The following THRB variants were observed in gnomAD, a reference collection of about 807,000 sequenced individuals.
The protein encoded by THRB is thyroid hormone receptor beta, also known as nuclear receptor subfamily 1 group A member 2.
Under a neutral mutation model 47.8 loss-of-function variants are expected in THRB, and 12 were observed. The ratio of observed to expected loss-of-function variants is 0.25; its 90% CI spans 0.16 to 0.41. The LOEUF is 0.41. THRB is among the 10% of genes least tolerant of loss of function. THRB has a pLI of 1.00. For missense variants in THRB, 348 were observed against 589.2 expected (o/e 0.59, Z 4.24); for synonymous variants, 218 against 212.2 (o/e 1.03, Z -0.24).
intron 1 of THRB, among the ~76,000 whole-genome samples, chr3:24,474,131 CTTTGT>C (rs1419089880): frequency 2.0e-5 from 3 of 152,120 alleles, no homozygotes; most frequent in Non-Finnish European, 4.4e-5. Context: ...TCGTTGTATG[CTTTGT>C]TTTATGTGGT....
chr3:24,329,386 T>A (rs1242591877), intron 2 of THRB, among the ~76,000 whole-genome samples: 1 of 152,186 alleles, frequency 6.6e-6, no homozygotes, highest in Admixed American at 6.5e-5. Context: ...TAGACTCATC[T>A]GAGGTATCCT....
At chr3:24,492,007 G>A (rs6763505) in intron 1 of THRB, among the ~76,000 whole-genome samples, 4,410 of 152,204 alleles carry the variant, frequency 0.029, 206 homozygotes, top group African/African-American at 0.1. Flanking sequence ...GAGAGAGAGA[G>A]AAAAATAAAG....
intron 3 of THRB, among the ~76,000 whole-genome samples, chr3:24,289,782 G>A (rs190644364): frequency 1.3e-5 from 2 of 152,196 alleles, no homozygotes; most frequent in East Asian, 3.9e-4. Flanking sequence ...ATACCTTGAG[G>A]CTGAAGTCAA....
chr3:24,455,881 C>G (rs184724104), intron 1 of THRB, among the ~76,000 whole-genome samples: 185 of 152,278 alleles, frequency 1.2e-3, no homozygotes, highest in African/African-American at 4.4e-3. Context: ...GGTGGGGCTA[C>G]TATTTTGACA....
intron 1 of THRB, among the ~76,000 whole-genome samples, chr3:24,493,762 C>A (rs1448322297): frequency 6.6e-6 from 1 of 152,144 alleles, no homozygotes; most frequent in African/African-American, 2.4e-5. Flanking sequence ...AAAAAAAATT[C>A]ATCTCATTTT....
intron 3 of THRB, among the ~76,000 whole-genome samples, chr3:24,241,512 C>G (rs763877664): frequency 2.0e-5 from 3 of 152,128 alleles, no homozygotes; most frequent in Non-Finnish European, 4.4e-5. Context: ...ACAGAGAAAT[C>G]TATTCTTGTG....
chr3:24,325,786 G>A (rs2058767207), intron 2 of THRB, among the ~76,000 whole-genome samples: 2 of 152,164 alleles, frequency 1.3e-5, no homozygotes, highest in African/African-American at 4.8e-5. Context: ...CAATTTCAAA[G>A]GTATGTTAGT....
intron 8 of THRB, among the ~76,000 whole-genome samples, chr3:24,135,561 G>C (rs2034515115): frequency 6.6e-6 from 1 of 152,090 alleles, no homozygotes; most frequent in South Asian, 2.1e-4. Context: ...GGAGCAGGCA[G>C]AATTGATGAA....
At chr3:24,150,776 C>T (rs1003918889) in intron 6 of THRB, among the ~76,000 whole-genome samples, 1 of 152,114 alleles carries the variant, frequency 6.6e-6, no homozygotes, top group Non-Finnish European at 1.5e-5. Context: ...TCCCAGAATT[C>T]GAAATTTCCC....
chr3:24,451,933 C>T (rs2072700128), intron 1 of THRB, among the ~76,000 whole-genome samples: 1 of 152,162 alleles, frequency 6.6e-6, no homozygotes, highest in Non-Finnish European at 1.5e-5. Context: ...GATAAAAAAG[C>T]ACTGGGGGCT....
At chr3:24,479,800 G>T (rs1232304522) in intron 1 of THRB, among the ~76,000 whole-genome samples, 1 of 152,110 alleles carries the variant, frequency 6.6e-6, no homozygotes, top group East Asian at 1.9e-4. Flanking sequence ...ATACTCCCAT[G>T]GCACCACTTC....
In THRB at chr3:24,164,886, C is replaced by G; in HGVS notation, c.284-12396G>C. 7 of 592,798 alleles carry G rather than the reference C, an allele frequency of 1.2e-5. No individual in the cohort carries two copies. In the South Asian group the frequency reaches 1.5e-4, roughly 12 times the overall value. 36.7% of individuals were successfully genotyped at this position (592,798 alleles called of 1,614,324 possible). On this transcript the variant is annotated intron_variant, in intron 5 of 10. Transcript: ENST00000646209. ...ACAGAGTCCTTCAATCACCTAGCAA[C>G]CCCTCTTACTGCCGTTTTTAATTTC...
At chr3:24,164,498 A>G (rs1475772566) in intron 5 of THRB, among the ~76,000 whole-genome samples, 1 of 152,086 alleles carries the variant, frequency 6.6e-6, no homozygotes, top group East Asian at 1.9e-4. Flanking sequence ...TGGATAAATA[A>G]ATACATTAAA....
intron 1 of THRB, among the ~76,000 whole-genome samples, chr3:24,343,465 C>G (rs954281738): frequency 1.3e-5 from 2 of 152,120 alleles, no homozygotes; most frequent in Non-Finnish European, 2.9e-5. Flanking sequence ...AGAAACGAAA[C>G]AAGCGCAAGA....
intron 1 of THRB, among the ~76,000 whole-genome samples, chr3:24,454,100 TA>T (rs1255350898): frequency 6.6e-6 from 1 of 152,146 alleles, no homozygotes; most frequent in Non-Finnish European, 1.5e-5. Context: ...ATCTTGAATA[TA>T]CAAAAAACTC....
At chr3:24,284,726 G>A (rs9758730) in intron 3 of THRB, among the ~76,000 whole-genome samples, 11 of 148,358 alleles carry the variant, frequency 7.4e-5, no homozygotes, top group African/African-American at 2.4e-4. Flanking sequence ...AACTCAAACA[G>A]ATTTACAAGA....
At chr3:24,319,006 C>A (rs1286129746) in intron 2 of THRB, among the ~76,000 whole-genome samples, 1 of 152,172 alleles carries the variant, frequency 6.6e-6, no homozygotes, top group Non-Finnish European at 1.5e-5. Flanking sequence ...ATGACTCACC[C>A]ATTTTAGGTG....
intron 2 of THRB, among the ~76,000 whole-genome samples, chr3:24,312,313 T>A (rs993791536): frequency 2.0e-5 from 3 of 152,190 alleles, no homozygotes; most frequent in Non-Finnish European, 4.4e-5. Flanking sequence ...GAAAGTAAAG[T>A]CCTCATGTCT....
chr3:24,197,738 A>G (rs2044122689), intron 4 of THRB, among the ~76,000 whole-genome samples: 1 of 152,252 alleles, frequency 6.6e-6, no homozygotes, highest in Admixed American at 6.5e-5. Context: ...TGCTCTATGC[A>G]AGGCAGAGTC....
Sources: gnomAD v4.1 joint callset for allele counts (sites outside exome capture counted in the v4.1 genomes callset) on GRCh38, gnomAD v4.1.1 for gene constraint, MANE v1.5 for transcripts, NCBI Gene and HGNC (gene_info 2026-07-23, HGNC 2026-07-21) for gene names.